Variants in CAAP1 observed in about 807,000 individuals in gnomAD.
CAAP1 encodes the protein conserved anti-apoptotic protein.
In CAAP1, 20 loss-of-function variants were observed where a neutral mutation model predicts 34.0. The ratio of observed to expected loss-of-function variants is 0.59; its 90% CI spans 0.41 to 0.86. The LOEUF (loss-of-function observed/expected upper bound fraction) is 0.86, where lower values mean the gene tolerates loss of function less well. Ranked by LOEUF, CAAP1 falls within the 40% of genes least tolerant of loss-of-function variation. The pLI, the probability that CAAP1 is intolerant of heterozygous loss-of-function variation, is 0.00. For missense variants in CAAP1, 538 were observed against 450.5 expected, an observed-to-expected ratio of 1.19 and a Z score of -1.76; for synonymous variants, 213 against 166.7, an observed-to-expected ratio of 1.28 and a Z score of -2.14.
intron 4 of CAAP1, 30 bp downstream of exon 4, chr9:26,884,780 T>G: frequency 6.8e-7 from 1 of 1,471,984 alleles, no homozygotes; most frequent in Middle Eastern, 1.7e-4. Context: ...AAAGAAATTT[T>G]GAAATAAAAA....
At position 26,886,151 on chromosome 9, in the gene CAAP1, TC is replaced by T. The variant is rs1358506421; in HGVS notation, c.541del (p.Glu181AsnfsTer3). On this transcript the variant is annotated frameshift_variant, in exon 3 of 6. Coordinates refer to ENST00000333916, the MANE Select transcript of CAAP1 (RefSeq NM_024828.4). LOFTEE classifies it high-confidence loss of function. Reference sequence around the variant, plus strand: ...TTTTTCAGACAGGAGCTCTAACTGTTCCTGGCATAGTTTTTTAATTTCTTCT... The same window carrying T: ...TTTTTCAGACAGGAGCTCTAACTGTTCTGGCATAGTTTTTTAATTTCTTCT... ...SIEEIKKLCQEQLELLSEKKI... is the reference protein window; with the variant it reads ...SIEEIKKLCQXQLELLSEKKI... 2 of 1,557,382 alleles carry T rather than the reference TC, an allele frequency of 1.3e-6. No homozygotes were observed. Among genetic ancestry groups the T allele is most frequent in the Non-Finnish European group, 8.6e-7 (1 of 1,156,542 alleles).
intron 4 of CAAP1, among the ~76,000 whole-genome samples, chr9:26,862,575 A>G (rs1184675864): frequency 1.3e-5 from 2 of 152,164 alleles, no homozygotes; most frequent in Non-Finnish European, 2.9e-5. Context: ...CAAAATGGAA[A>G]TGAGTAATGT....
intron 5 of CAAP1, among the ~76,000 whole-genome samples, chr9:26,852,476 A>C (rs965282175): frequency 6.6e-6 from 1 of 151,938 alleles, no homozygotes; most frequent in Non-Finnish European, 1.5e-5. Flanking sequence ...ACAAAAAAAA[A>C]GGGTATTGAG....
rs184648265 is a variant in CAAP1 at position 26,860,715 on chromosome 9, C to T, written c.739+351G>A. ...GCTGAGGCAGGAGAATGGCGTGAAC[C>T]GGGAGGCTGAGCTTGCAGTGAGCCA... On this transcript the variant is annotated intron_variant, in intron 5 of 5. Coordinates refer to ENST00000333916, the MANE Select transcript of CAAP1 (RefSeq NM_024828.4). Among the ~76,000 whole-genome samples, 84 of 152,126 alleles carry T rather than the reference C, an allele frequency of 5.5e-4. 1 individual carries two copies. The East Asian group carries it at 0.014, about 24-fold the overall frequency.
chr9:26,853,991 T>C (rs939191245), intron 5 of CAAP1, among the ~76,000 whole-genome samples: 2 of 152,194 alleles, frequency 1.3e-5, no homozygotes, highest in Admixed American at 6.5e-5. Flanking sequence ...ATTTAGAAGA[T>C]GTATTAAACT....
intron 1 of CAAP1, among the ~76,000 whole-genome samples, chr9:26,890,008 T>C (rs1164256048): frequency 2.0e-5 from 3 of 151,904 alleles, no homozygotes; most frequent in South Asian, 2.1e-4. Context: ...AGAAGATGGG[T>C]TTAGTTCTGT....
At position 26,892,313 on chromosome 9, in the gene CAAP1, G is replaced by T. The variant is rs569464792; in HGVS notation, c.303+100C>A. 5.4e-5 allele frequency: 83 copies of T among 1,545,842 alleles called. 2 individuals carry two copies. In the South Asian group the frequency reaches 9.8e-4, roughly 18 times the overall value. On this transcript the variant is annotated intron_variant, in intron 1 of 5. Transcript: ENST00000333916. ...GGACGGACGACCTTGAGATTGCCGC[G>T]CTAGCAGTGAGCTCCAGCCTGCGCC...
intron 1 of CAAP1, among the ~76,000 whole-genome samples, chr9:26,892,057 C>T (rs1370744418): frequency 6.6e-6 from 1 of 151,798 alleles, no homozygotes; most frequent in African/African-American, 2.4e-5. Flanking sequence ...ACCATATCTA[C>T]GAAAAGGTGA....
At chr9:26,864,680 G>A (rs1395174700) in intron 4 of CAAP1, among the ~76,000 whole-genome samples, 1 of 152,158 alleles carries the variant, frequency 6.6e-6, no homozygotes, top group Non-Finnish European at 1.5e-5. Context: ...AGTGACTAAA[G>A]GGAATCACAG....
chr9:26,874,855 C>G (rs1310306707), intron 4 of CAAP1, among the ~76,000 whole-genome samples: 2 of 152,056 alleles, frequency 1.3e-5, no homozygotes, highest in Non-Finnish European at 2.9e-5. Flanking sequence ...CATTTGTAAG[C>G]TGAGCTTAGA....
chr9:26,846,148 GTGGCTCACGCC>G (rs1013036757), intron 5 of CAAP1, among the ~76,000 whole-genome samples: 1 of 152,106 alleles, frequency 6.6e-6, no homozygotes, highest in Non-Finnish European at 1.5e-5. Flanking sequence ...GCTGGGCACG[GTGGCTCACGCC>G]TGGAATCCCA....
At chr9:26,887,115 G>A (rs1823765400) in intron 2 of CAAP1, among the ~76,000 whole-genome samples, 198 bp downstream of exon 2, 1 of 152,108 alleles carries the variant, frequency 6.6e-6, no homozygotes, top group African/African-American at 2.4e-5. Flanking sequence ...AGGAGGCTGA[G>A]GCAAGAGAAT....
intron 1 of CAAP1, 123 bp downstream of exon 1, chr9:26,892,290 A>G (rs1412424826): frequency 6.5e-7 from 1 of 1,535,620 alleles, no homozygotes; most frequent in Admixed American, 2.0e-5. Flanking sequence ...AACCTCAAGG[A>G]CGGACGACCT....
intron 4 of CAAP1, among the ~76,000 whole-genome samples, chr9:26,875,071 C>T (rs984275664): frequency 6.6e-6 from 1 of 152,116 alleles, no homozygotes; most frequent in Non-Finnish European, 1.5e-5. Context: ...AAAGATGTCA[C>T]TTTACAGCTT....
At chr9:26,888,105 T>C (rs1295763294) in intron 1 of CAAP1, among the ~76,000 whole-genome samples, 5 of 152,224 alleles carry the variant, frequency 3.3e-5, no homozygotes, top group Admixed American at 2.6e-4. Context: ...CACAATTTTT[T>C]GCCTGGGTTA....
intron 4 of CAAP1, among the ~76,000 whole-genome samples, chr9:26,867,174 A>T (rs1312759619): frequency 6.6e-6 from 1 of 152,130 alleles, no homozygotes; most frequent in Non-Finnish European, 1.5e-5. Flanking sequence ...TGATGGAAAA[A>T]TCTTCTTCCA....
rs184818409 is a variant in CAAP1, at chr9:26,891,789, G to A, written c.303+624C>T. 8.3e-4 allele frequency among the ~76,000 whole-genome samples: 127 copies of A among 152,158 alleles called. 1 individual carries two copies. Among genetic ancestry groups the A allele is most frequent in the East Asian group, 3.7e-3 (19 of 5,192 alleles). On this transcript the variant is annotated intron_variant, in intron 1 of 5. Transcript: ENST00000333916. ...CCGCGTATCAAAATACTAATGGAGG[G>A]GCAAGAAAAGGGACTTGACGCTTTC...
At chr9:26,849,613 C>CA (rs2131298238) in intron 5 of CAAP1, among the ~76,000 whole-genome samples, 1 of 151,708 alleles carries the variant, frequency 6.6e-6, no homozygotes, top group African/African-American at 2.4e-5. Flanking sequence ...GCCCAACTGT[C>CA]TTTTATTTTT....
rs200715738 is a variant in CAAP1, at chr9:26,887,391, G to C, written c.426C>G (p.Asp142Glu). ...SLKPVSFYISDKKEMLQQCFC... is the reference protein window; with the variant it reads ...SLKPVSFYISEKKEMLQQCFC... Reference sequence around the variant, plus strand: ...AGCACTGCTGAAGCATTTCTTTTTTGTCTGATATATAGAAACTAACTGGTT... The same window carrying C: ...AGCACTGCTGAAGCATTTCTTTTTTCTCTGATATATAGAAACTAACTGGTT... The change falls in exon 2 of 6, where the codon GAC becomes GAG. Residue 142 changes from aspartate (D) to glutamate (E), a missense_variant. Physicochemically the swap from Asp to Glu is conservative, Grantham distance 45 (BLOSUM62 2). Coordinates refer to ENST00000333916, the MANE Select transcript of CAAP1 (RefSeq NM_024828.4). 9.5e-5 allele frequency: 153 copies of C among 1,611,438 alleles called. No homozygotes were observed. Among genetic ancestry groups the C allele is most frequent in the Non-Finnish European group, 1.1e-5 (13 of 1,178,862 alleles).
Sources: gnomAD v4.1 joint callset for allele counts (sites outside exome capture counted in the v4.1 genomes callset) on GRCh38, gnomAD v4.1.1 for gene constraint, MANE v1.5 for transcripts, NCBI Gene and HGNC (gene_info 2026-07-23, HGNC 2026-07-21) for gene names.